Variants in AGBL4 observed in about 807,000 individuals in gnomAD.
AGBL4 encodes the protein cytosolic carboxypeptidase 6.
AGBL4 carries 58 observed loss-of-function variants against 66.4 expected under a neutral mutation model. The observed-to-expected ratio is 0.87, with a 90% confidence interval of 0.71 to 1.09. The LOEUF is 1.09. AGBL4 is among the 50% of genes least tolerant of loss of function. AGBL4 has a pLI of 0.00. For missense variants in AGBL4, 579 were observed against 631.0 expected (o/e 0.92, Z 0.88); for synonymous variants, 234 against 222.9 (o/e 1.05, Z -0.44).
At chr1:49,139,517 T>A (rs780151129) in intron 4 of AGBL4, among the ~76,000 whole-genome samples, 1 of 152,126 alleles carries the variant, frequency 6.6e-6, no homozygotes, top group Non-Finnish European at 1.5e-5. Flanking sequence ...CACCTTTAAG[T>A]CCAAGGATCA....
chr1:49,423,100 T>A (rs1165241167), intron 3 of AGBL4: 1 of 152,222 alleles, frequency 6.6e-6, no homozygotes, highest in African/African-American at 2.4e-5. Flanking sequence ...CCCAATGTAC[T>A]GTGGAGCTGA....
chr1:49,161,825 C>G (rs935672827), intron 4 of AGBL4, among the ~76,000 whole-genome samples: 1 of 152,114 alleles, frequency 6.6e-6, no homozygotes, highest in Non-Finnish European at 1.5e-5. Flanking sequence ...GATATTACTC[C>G]CTGCTCAGAG....
At chr1:49,272,569 AT>A (rs1417054003) in intron 3 of AGBL4, among the ~76,000 whole-genome samples, 1 of 152,192 alleles carries the variant, frequency 6.6e-6, no homozygotes, top group African/African-American at 2.4e-5. Context: ...TACTTTACAT[AT>A]ATATTTACTA....
At chr1:49,906,766 C>A (rs1278895360) in intron 1 of AGBL4, among the ~76,000 whole-genome samples, 1 of 152,024 alleles carries the variant, frequency 6.6e-6, no homozygotes, top group Non-Finnish European at 1.5e-5. Context: ...ATACTACTTT[C>A]TGCCTCTAAA....
chr1:49,073,529 T>G (rs1278448147), intron 4 of AGBL4, among the ~76,000 whole-genome samples: 1 of 152,112 alleles, frequency 6.6e-6, no homozygotes, highest in Non-Finnish European at 1.5e-5. Flanking sequence ...TCTGTTGGAG[T>G]TTGTTAGAGG....
intron 2 of AGBL4, among the ~76,000 whole-genome samples, chr1:49,724,215 G>A (rs963831316): frequency 3.3e-5 from 5 of 152,118 alleles, no homozygotes; most frequent in African/African-American, 1.2e-4. Context: ...ACTCTCATTT[G>A]TTCTTACATC....
At chr1:49,514,212 T>C (rs891637808) in intron 3 of AGBL4, among the ~76,000 whole-genome samples, 6 of 152,054 alleles carry the variant, frequency 3.9e-5, no homozygotes, top group African/African-American at 1.4e-4. Context: ...ACCCTTTATT[T>C]CCTTCTCCTG....
chr1:49,307,856 C>CT (rs1218600067), intron 3 of AGBL4, among the ~76,000 whole-genome samples: 1 of 152,140 alleles, frequency 6.6e-6, no homozygotes, highest in Non-Finnish European at 1.5e-5. Flanking sequence ...ACTAAAATTA[C>CT]TTTATGTTTA....
chr1:48,954,193 C>T (rs998494904), intron 5 of AGBL4, among the ~76,000 whole-genome samples: 11 of 152,270 alleles, frequency 7.2e-5, no homozygotes, highest in East Asian at 3.9e-4. Context: ...CTCTGAATCC[C>T]GGAAGACTTG....
intron 3 of AGBL4, among the ~76,000 whole-genome samples, chr1:49,520,822 T>C (rs927470416): frequency 1.3e-5 from 2 of 151,574 alleles, no homozygotes; most frequent in African/African-American, 4.8e-5. Context: ...TTTTTTTTTT[T>C]TTTTGGAGAC....
At chr1:49,685,979 A>G (rs955895307) in intron 3 of AGBL4, among the ~76,000 whole-genome samples, 1 of 152,130 alleles carries the variant, frequency 6.6e-6, no homozygotes, top group Non-Finnish European at 1.5e-5. Flanking sequence ...ACCATGGTCT[A>G]TATCCAGAAT....
chr1:49,413,732 A>G (rs905232961), intron 3 of AGBL4, among the ~76,000 whole-genome samples: 1 of 152,180 alleles, frequency 6.6e-6, no homozygotes, highest in African/African-American at 2.4e-5. Context: ...TGATCTATAC[A>G]AGGCTTGAAT....
At chr1:49,503,651 T>C (rs1007740032) in intron 3 of AGBL4, among the ~76,000 whole-genome samples, 3 of 152,168 alleles carry the variant, frequency 2.0e-5, no homozygotes, top group African/African-American at 4.8e-5. Flanking sequence ...ATGTGAGACA[T>C]GGAGTCAAAG....
At chr1:49,198,122 T>A (rs1342645717) in intron 4 of AGBL4, among the ~76,000 whole-genome samples, 1 of 152,016 alleles carries the variant, frequency 6.6e-6, no homozygotes, top group Non-Finnish European at 1.5e-5. Context: ...TGGCCTGGAT[T>A]GCTTAGTTGC....
At position 48,587,147 on chromosome 1, in the gene AGBL4, C is replaced by T. The variant is rs138271641; in HGVS notation, c.1124G>A (p.Arg375Gln). ...DFSYSSTSFN[R>Q]DAVKAGTGRR... ...GCCAGTTCCTGCTTTCACAGCGTCCCGGTTAAAGGATGTGCTGGACTGTGA... is the reference window on the plus strand; with the variant it reads ...GCCAGTTCCTGCTTTCACAGCGTCCTGGTTAAAGGATGTGCTGGACTGTGA... Residue 375 changes from arginine to glutamine, a missense_variant, in exon 11 of 14, where the codon CGG becomes CAG. Physicochemically the swap from Arg to Gln is conservative, Grantham distance 43 (BLOSUM62 1). Transcript: ENST00000371839. The T allele has an allele frequency of 5.1e-4, 792 of 1,555,520 alleles. 5 individuals are homozygous for T. The African/African-American group carries it at 8.7e-3, about 17-fold the overall frequency.
chr1:48,815,019 C>T (rs528926406), intron 6 of AGBL4, among the ~76,000 whole-genome samples: 13 of 152,254 alleles, frequency 8.5e-5, no homozygotes, highest in African/African-American at 2.4e-4. Flanking sequence ...TTCCCATCAA[C>T]GGTGTATAAG....
chr1:49,127,347 G>A (rs1306580520), intron 4 of AGBL4, among the ~76,000 whole-genome samples: 1 of 152,130 alleles, frequency 6.6e-6, no homozygotes, highest in African/African-American at 2.4e-5. Flanking sequence ...ATACTGCTCG[G>A]TTGATGGGTG....
At chr1:49,344,261 T>C (rs1645595480) in intron 3 of AGBL4, among the ~76,000 whole-genome samples, 1 of 152,056 alleles carries the variant, frequency 6.6e-6, no homozygotes, top group Non-Finnish European at 1.5e-5. Flanking sequence ...TGTATACATA[T>C]GTAACTAACC....
chr1:49,851,620 C>A, intron 1 of AGBL4, 102 bp from the exon 2 acceptor site: 3 of 1,249,132 alleles, frequency 2.4e-6, no homozygotes, highest in Non-Finnish European at 2.2e-6. Context: ...CAAGTGTTAA[C>A]CCAAGCAAAA....
Sources: allele counts gnomAD v4.1 joint callset (sites outside exome capture counted in the v4.1 genomes callset), GRCh38; gene constraint gnomAD v4.1.1; transcripts MANE v1.5; gene names NCBI Gene and HGNC (gene_info 2026-07-23, HGNC 2026-07-21).